Variants in SPHKAP observed in about 807,000 individuals in gnomAD.
SPHKAP encodes the protein A-kinase anchor protein SPHKAP.
Under a neutral mutation model 137.5 loss-of-function variants are expected in SPHKAP, and 67 were observed. The observed-to-expected ratio is 0.49, with a 90% CI of 0.40 to 0.60. The LOEUF (loss-of-function observed/expected upper bound fraction) is 0.60. Among genes scored for constraint, SPHKAP ranks in the 20% least tolerant of loss-of-function variants. SPHKAP has a pLI of 0.00. For synonymous variants in SPHKAP, 813 were observed against 785.3 expected (o/e 1.04, Z -0.59); for missense variants, 2,097 against 2,069.3 (o/e 1.01, Z -0.26).
chr2:228,031,751 G>A lies in SPHKAP; in HGVS notation c.247-4208C>T, dbSNP rs138258294. Among the ~76,000 whole-genome samples the A allele has an allele frequency of 8.0e-3, 1,223 of 152,286 alleles. 17 individuals carry two copies. The highest frequency in any genetic ancestry group is 0.027 in the African/African-American group (1,116 of 41,550). On this transcript the variant is annotated intron_variant, in intron 3 of 11. Coordinates refer to ENST00000392056, the MANE Select transcript of SPHKAP (RefSeq NM_001142644.2). ...CAGCCACCGCTGTTCTGTAGCCACC[G>A]CTGCTGATACCAAGACAAACATGGT...
At chr2:228,109,008 T>TC (rs1024104413) in intron 2 of SPHKAP, 69 bp from the exon 3 acceptor site, 250 of 503,058 alleles carry the variant, frequency 5.0e-4, no homozygotes, top group African/African-American at 4.2e-3. Context: ...GCTCTCTCTC[T>TC]TTTTTTTTTT....
chr2:228,139,446 A>G (rs185944081), intron 1 of SPHKAP, among the ~76,000 whole-genome samples: 1 of 152,306 alleles, frequency 6.6e-6, no homozygotes, highest in East Asian at 1.9e-4. Context: ...ATGTTATTGG[A>G]GATTATATGA....
At chr2:228,066,448 T>C (rs1288507034) in intron 3 of SPHKAP, among the ~76,000 whole-genome samples, 1 of 152,218 alleles carries the variant, frequency 6.6e-6, no homozygotes, top group Non-Finnish European at 1.5e-5. Context: ...TAATTCATTT[T>C]CTAGAAAATG....
intron 7 of SPHKAP, among the ~76,000 whole-genome samples, chr2:228,015,768 C>T (rs1201776440): frequency 1.3e-5 from 2 of 151,972 alleles, no homozygotes; most frequent in Non-Finnish European, 2.9e-5. Flanking sequence ...ACACAGTGTC[C>T]TTGGCAAGAT....
intron 3 of SPHKAP, among the ~76,000 whole-genome samples, chr2:228,090,927 A>G (rs550652281): frequency 1.3e-5 from 2 of 152,328 alleles, no homozygotes; most frequent in South Asian, 4.1e-4. Context: ...TCTCTTCTTG[A>G]TAAATTACCC....
intron 3 of SPHKAP, among the ~76,000 whole-genome samples, chr2:228,094,176 A>G (rs905864306): frequency 4.6e-5 from 7 of 152,220 alleles, no homozygotes; most frequent in African/African-American, 1.7e-4. Context: ...TACCTTATGA[A>G]ACATTTTCTT....
At chr2:228,053,995 A>G (rs1321206852) in intron 3 of SPHKAP, among the ~76,000 whole-genome samples, 2 of 152,242 alleles carry the variant, frequency 1.3e-5, no homozygotes, top group African/African-American at 4.8e-5. Flanking sequence ...ATCAAAGACA[A>G]GATTTCTTCA....
chr2:228,004,577 G>C (rs1295389986), intron 7 of SPHKAP, among the ~76,000 whole-genome samples: 1 of 152,164 alleles, frequency 6.6e-6, no homozygotes, highest in African/African-American at 2.4e-5. Flanking sequence ...TCTGATCTTA[G>C]TTATTTCTTG....
At chr2:227,997,253 T>C (rs1693671920) in intron 7 of SPHKAP, among the ~76,000 whole-genome samples, 1 of 152,184 alleles carries the variant, frequency 6.6e-6, no homozygotes, top group Non-Finnish European at 1.5e-5. Flanking sequence ...AACTATCTAC[T>C]GTTTTTCAAA....
intron 2 of SPHKAP, among the ~76,000 whole-genome samples, chr2:228,124,305 T>C (rs1488897790): frequency 2.2e-5 from 3 of 136,668 alleles, no homozygotes; most frequent in Non-Finnish European, 3.2e-5. Flanking sequence ...TGTAGCACTA[T>C]TCACAATAGC....
intron 2 of SPHKAP, among the ~76,000 whole-genome samples, chr2:228,120,182 G>T (rs1356163293): frequency 6.6e-6 from 1 of 152,148 alleles, no homozygotes; most frequent in Non-Finnish European, 1.5e-5. Flanking sequence ...GTGAAGGGGG[G>T]TAGGAGGGAA....
chr2:228,160,975 A>G (rs777973801), intron 1 of SPHKAP, among the ~76,000 whole-genome samples: 1 of 152,248 alleles, frequency 6.6e-6, no homozygotes, highest in Non-Finnish European at 1.5e-5. Context: ...GAGGCACTGT[A>G]GATGCAAGAG....
chr2:228,021,910 G>A lies in SPHKAP; in HGVS notation c.498C>T (p.Asn166=), dbSNP rs546485834. The change falls in exon 6 of 12, where the codon AAC becomes AAT. Residue 166 remains asparagine, a synonymous_variant. Coordinates refer to ENST00000392056, the MANE Select transcript of SPHKAP (RefSeq NM_001142644.2). ...TTTCAAAGATGATGCAGTTGGTACT[G>A]TTTGGTCTGTTCCCTCTTGCACATT... ...LVQCARGNRP[N]STNCIIFEIN... is the part of the protein sequence containing the mutation. 3 of 1,614,038 alleles carry A rather than the reference G, an allele frequency of 1.9e-6. No homozygotes were observed. Among genetic ancestry groups the A allele is most frequent in the South Asian group, 2.2e-5 (2 of 91,060 alleles).
intron 3 of SPHKAP, among the ~76,000 whole-genome samples, chr2:228,035,989 A>C (rs1695575024): frequency 6.7e-6 from 1 of 150,194 alleles, no homozygotes; most frequent in Non-Finnish European, 1.5e-5. Context: ...CTTCATGTCT[A>C]AAACACCAAA....
Position 228,097,964 on chromosome 2 carries a change from G to C in SPHKAP, c.246+10868C>G, listed in dbSNP as rs138897530. Reference sequence around the variant, plus strand: ...AAGAGACGAGTACATGTGTCTTTTTGATAGAACGATCTATATTCCTTTGTG... The same window carrying C: ...AAGAGACGAGTACATGTGTCTTTTTCATAGAACGATCTATATTCCTTTGTG... On this transcript the variant is annotated intron_variant, in intron 3 of 11. Transcript: ENST00000392056. 2.7e-3 allele frequency among the ~76,000 whole-genome samples: 408 copies of C among 152,266 alleles called. 2 individuals carry two copies. Among genetic ancestry groups the C allele is most frequent in the African/African-American group, 9.3e-3 (386 of 41,560 alleles).
Position 228,020,014 on chromosome 2 carries a change from C to G in SPHKAP, c.840G>C (p.Leu280Phe), listed in dbSNP as rs779580839. Residue 280 changes from leucine (L) to phenylalanine (F), a missense_variant, in exon 7 of 12, where the codon TTG (leucine) becomes TTC (phenylalanine). Transcript: ENST00000392056. ...DKYINKYPTP[L>F]IKTERSPENL... ...TTTCTGGAGATCGTTCTGTTTTAAT[C>G]AATGGTGTGGGATATTTGTTGATGT... 7.4e-6 allele frequency: 12 copies of G among 1,614,084 alleles called. No homozygotes were observed.
chr2:228,079,677 G>A (rs919744762), intron 3 of SPHKAP, among the ~76,000 whole-genome samples: 6 of 152,180 alleles, frequency 3.9e-5, no homozygotes, highest in Non-Finnish European at 8.8e-5. Flanking sequence ...CCAGCTCCAG[G>A]TCAGCCCCTG....
intron 1 of SPHKAP, among the ~76,000 whole-genome samples, chr2:228,158,837 GC>G (rs1481636535): frequency 6.6e-6 from 1 of 152,052 alleles, no homozygotes; most frequent in African/African-American, 2.4e-5. Context: ...ATTACAATTA[GC>G]CCAAATTATC....
chr2:228,030,383 G>C (rs58161634), intron 3 of SPHKAP, among the ~76,000 whole-genome samples: 1 of 151,208 alleles, frequency 6.6e-6, no homozygotes, highest in Admixed American at 6.6e-5. Context: ...GTGTGGTGGC[G>C]CACACCTGTA....
Sources: allele counts gnomAD v4.1 joint callset (sites outside exome capture counted in the v4.1 genomes callset), GRCh38; gene constraint gnomAD v4.1.1; transcripts MANE v1.5; gene names NCBI Gene and HGNC (gene_info 2026-07-23, HGNC 2026-07-21).